Variants in PCSK5 observed in about 807,000 individuals in gnomAD.
PCSK5 encodes the protein prohormone convertase 5.
PCSK5 carries 129 observed loss-of-function variants against 233.2 expected under a neutral mutation model. The observed-to-expected ratio is 0.55, with a 90% CI of 0.48 to 0.64. PCSK5 has a LOEUF of 0.64. Ranked by LOEUF, PCSK5 falls within the 30% of genes least tolerant of loss-of-function variation. PCSK5 has a pLI of 0.00. For missense variants in PCSK5, 2,076 were observed against 2,430.1 expected (o/e 0.85, Z 3.06); for synonymous variants, 825 against 879.2 (o/e 0.94, Z 1.09).
chr9:76,230,879 G>A (rs550464031), intron 21 of PCSK5, among the ~76,000 whole-genome samples: 59 of 151,974 alleles, frequency 3.9e-4, no homozygotes, highest in African/African-American at 1.4e-3. Context: ...TCTGCATTAC[G>A]GTTAGTTGCA....
Position 76,361,524 on chromosome 9 carries a change from G to A in PCSK5, c.*2602G>A, listed in dbSNP as rs2131541942. 6.6e-6 allele frequency: 1 copy of A among 151,910 alleles called. No homozygotes were observed. The highest frequency in any genetic ancestry group is 2.0e-4 in the East Asian group (1 of 5,098). 9.4% of individuals were successfully genotyped at this position (151,910 alleles called of 1,614,324 possible). A position where few individuals can be genotyped will look rare whatever the true frequency, so the allele number is the denominator to read the frequency against. On this transcript the variant is annotated 3_prime_UTR_variant, in exon 38 of 38. Coordinates refer to ENST00000674117, the MANE Select transcript of PCSK5 (RefSeq NM_001372043.1). Reference sequence around the variant, plus strand: ...ACATCAGCCTTGGACAACATAGTGAGACTCCCGTGTCTACAAAAAATTTAA... The same window carrying A: ...ACATCAGCCTTGGACAACATAGTGAAACTCCCGTGTCTACAAAAAATTTAA...
intron 24 of PCSK5, among the ~76,000 whole-genome samples, chr9:76,282,489 T>C (rs1827913502): frequency 6.6e-6 from 1 of 150,990 alleles, no homozygotes; most frequent in Non-Finnish European, 1.5e-5. Context: ...CCAGCTGATA[T>C]CTATTTTTTG....
chr9:76,246,747 A>G (rs1170843476), intron 24 of PCSK5, among the ~76,000 whole-genome samples: 1 of 152,220 alleles, frequency 6.6e-6, no homozygotes, highest in Non-Finnish European at 1.5e-5. Flanking sequence ...TGCAGCTACC[A>G]AAAGAGCAAA....
chr9:76,046,172 T>G lies in PCSK5; in HGVS notation c.632+19135T>G, dbSNP rs1050277635. Among the ~76,000 whole-genome samples the G allele has an allele frequency of 6.9e-4, 74 of 107,650 alleles. 1 individual carries two copies. The highest frequency in any genetic ancestry group is 2.5e-3 in the African/African-American group (67 of 27,342). 70.6% of individuals were successfully genotyped at this position (107,650 alleles called of 152,430 possible). A position where few individuals can be genotyped will look rare whatever the true frequency, so the allele number is the denominator to read the frequency against. On this transcript the variant is annotated intron_variant, in intron 5 of 37. Coordinates refer to ENST00000674117, the MANE Select transcript of PCSK5 (RefSeq NM_001372043.1). Reference sequence around the variant, plus strand: ...AATTTTTTCTTTTGTTTTTTTTTTTTTTTTTTTTTTTTTTTTTTTTTTTGA... The same window carrying G: ...AATTTTTTCTTTTGTTTTTTTTTTTGTTTTTTTTTTTTTTTTTTTTTTTGA...
At chr9:75,901,627 T>TAAAAAAA (rs34727969) in intron 1 of PCSK5, among the ~76,000 whole-genome samples, 1 of 136,988 alleles carries the variant, frequency 7.3e-6, no homozygotes. Flanking sequence ...TCCCAGAACT[T>TAAAAAAA]AAAAAAAAAA....
At chr9:76,057,593 G>A (rs1363352228) in intron 5 of PCSK5, among the ~76,000 whole-genome samples, 1 of 152,126 alleles carries the variant, frequency 6.6e-6, no homozygotes, top group Admixed American at 6.6e-5. Context: ...ATAATATGGT[G>A]TAAAGCAATG....
chr9:76,024,692 T>C (rs981716071), intron 4 of PCSK5, among the ~76,000 whole-genome samples: 6 of 152,326 alleles, frequency 3.9e-5, no homozygotes, highest in African/African-American at 1.2e-4. Flanking sequence ...GTCTTTTATG[T>C]TTGTCATTTT....
chr9:76,046,781 C>G (rs897774721), intron 5 of PCSK5, among the ~76,000 whole-genome samples: 5 of 151,228 alleles, frequency 3.3e-5, no homozygotes, highest in Non-Finnish European at 5.9e-5. Context: ...AGGATGGTCT[C>G]CATCTCCTGA....
chr9:76,004,421 C>G (rs1290787852), intron 3 of PCSK5, among the ~76,000 whole-genome samples: 1 of 152,046 alleles, frequency 6.6e-6, no homozygotes, highest in Non-Finnish European at 1.5e-5. Context: ...ATGATATCTG[C>G]TAGATTTCTC....
intron 24 of PCSK5, among the ~76,000 whole-genome samples, chr9:76,275,342 A>T (rs1268481787): frequency 6.6e-6 from 1 of 152,132 alleles, no homozygotes; most frequent in African/African-American, 2.4e-5. Context: ...TAACTATAAT[A>T]AGAATGCTCT....
At chr9:76,219,027 C>T (rs1189038888) in intron 20 of PCSK5, among the ~76,000 whole-genome samples, 5 of 152,314 alleles carry the variant, frequency 3.3e-5, no homozygotes, top group Admixed American at 6.5e-5. Flanking sequence ...ACCTGCGGAT[C>T]TCTTAGACAG....
chr9:75,956,471 A>G (rs1057233592), intron 2 of PCSK5, among the ~76,000 whole-genome samples: 1 of 152,204 alleles, frequency 6.6e-6, no homozygotes, highest in Non-Finnish European at 1.5e-5. Flanking sequence ...CACTTCCCAG[A>G]TAATCTTCCA....
At chr9:76,273,967 T>G (rs918990241) in intron 24 of PCSK5, among the ~76,000 whole-genome samples, 5 of 151,798 alleles carry the variant, frequency 3.3e-5, no homozygotes, top group Non-Finnish European at 5.9e-5. Context: ...GGTTTTGTTT[T>G]TTTTTTTCCA....
chr9:76,346,592 T>C (rs1224380374), intron 35 of PCSK5, among the ~76,000 whole-genome samples: 1 of 152,166 alleles, frequency 6.6e-6, no homozygotes, highest in Non-Finnish European at 1.5e-5. Flanking sequence ...TTTAATGTTA[T>C]TTTTTCATAT....
chr9:76,118,213 C>T (rs1832504440), intron 9 of PCSK5, among the ~76,000 whole-genome samples: 1 of 152,004 alleles, frequency 6.6e-6, no homozygotes, highest in African/African-American at 2.4e-5. Context: ...ACCATCTGGC[C>T]TGTAGAGATG....
intron 35 of PCSK5, 49 bp downstream of exon 35, chr9:76,338,496 G>A (rs1829742918): frequency 2.2e-6 from 3 of 1,357,642 alleles, no homozygotes; most frequent in East Asian, 2.3e-5. Context: ...AAATGAAAAG[G>A]TTTTCTTCCT....
chr9:76,177,902 C>G (rs1000081194), intron 14 of PCSK5, among the ~76,000 whole-genome samples: 4 of 151,842 alleles, frequency 2.6e-5, no homozygotes, highest in Admixed American at 1.3e-4. Flanking sequence ...TGTGAATTTG[C>G]CATACAGTGA....
chr9:76,284,196 T>C (rs1385013039), intron 24 of PCSK5, among the ~76,000 whole-genome samples: 2 of 152,188 alleles, frequency 1.3e-5, no homozygotes, highest in East Asian at 1.9e-4. Flanking sequence ...CTAGCACATC[T>C]CTTTAATGTA....
chr9:76,145,288 G>A (rs1037811819), intron 10 of PCSK5, among the ~76,000 whole-genome samples: 2 of 152,130 alleles, frequency 1.3e-5, no homozygotes, highest in African/African-American at 4.8e-5. Context: ...CAACAAAAAT[G>A]ATGGAAGCTT....
Sources: gnomAD v4.1 joint callset for allele counts (sites outside exome capture counted in the v4.1 genomes callset) on GRCh38, gnomAD v4.1.1 for gene constraint, MANE v1.5 for transcripts, NCBI Gene and HGNC (gene_info 2026-07-23, HGNC 2026-07-21) for gene names.